TFDP2: variants seen among roughly 807,000 people sequenced by gnomAD.
The protein encoded by TFDP2 is transcription factor Dp-2, also known as transcription factor Dp-2 (E2F dimerization partner 2).
A neutral mutation model predicts 59.3 loss-of-function variants in TFDP2; 17 were observed. That is an observed-to-expected ratio of 0.29 (90% CI 0.20 to 0.43). TFDP2 has a LOEUF of 0.43. TFDP2 is among the 20% of genes least tolerant of loss of function. The probability of loss-of-function intolerance (pLI) is 1.00; values close to 1 mark genes in which losing one functional copy is unlikely to be tolerated. For missense variants in TFDP2, 391 were observed against 528.8 expected (o/e 0.74, Z 2.56); for synonymous variants, 180 against 194.7 (o/e 0.92, Z 0.63).
chr3:142,123,522 C>T (rs551883341), intron 1 of TFDP2, among the ~76,000 whole-genome samples: 1 of 152,116 alleles, frequency 6.6e-6, no homozygotes, highest in African/African-American at 2.4e-5. Flanking sequence ...CCTCCCTAGG[C>T]CTCCCAAAGT....
chr3:141,975,425 G>A (rs1385738976), intron 7 of TFDP2, among the ~76,000 whole-genome samples: 1 of 152,068 alleles, frequency 6.6e-6, no homozygotes, highest in African/African-American at 2.4e-5. Flanking sequence ...AGGAGTGGTG[G>A]CTCATGCCTG....
Position 142,056,631 on chromosome 3 carries a change from T to C in TFDP2, c.82+36430A>G, listed in dbSNP as rs184689665. 2.5e-3 allele frequency among the ~76,000 whole-genome samples: 375 copies of C among 152,288 alleles called. 2 individuals carry two copies. The highest frequency in any genetic ancestry group is 8.8e-3 in the African/African-American group (364 of 41,564). ...TTTAGAAAAAGCATCTCAGAATAAA[T>C]GATACCTAAGACAAAAACCAAACTA... On this transcript the variant is annotated intron_variant, in intron 3 of 12. Coordinates refer to ENST00000489671, the MANE Select transcript of TFDP2 (RefSeq NM_001178139.2).
chr3:141,966,819 G>A (rs1358445333), intron 9 of TFDP2, among the ~76,000 whole-genome samples: 1 of 150,774 alleles, frequency 6.6e-6, no homozygotes, highest in East Asian at 1.9e-4. Flanking sequence ...GTAGCAAGGA[G>A]GTAATAGTTA....
intron 1 of TFDP2, among the ~76,000 whole-genome samples, chr3:142,135,589 T>C (rs563395206): frequency 6.6e-6 from 1 of 152,094 alleles, no homozygotes; most frequent in South Asian, 2.1e-4. Flanking sequence ...TGGTGTGTGA[T>C]GCTTCCTGCC....
At chr3:142,049,674 TAAAC>T (rs995778438) in intron 3 of TFDP2, among the ~76,000 whole-genome samples, 5 of 152,144 alleles carry the variant, frequency 3.3e-5, no homozygotes, top group Non-Finnish European at 7.4e-5. Context: ...TGTTTGTACA[TAAAC>T]AAAATATTGG....
intron 3 of TFDP2, among the ~76,000 whole-genome samples, chr3:142,052,476 C>T (rs1039923432): frequency 3.3e-5 from 5 of 151,670 alleles, no homozygotes; most frequent in South Asian, 2.1e-4. Context: ...ACCCAGGAGA[C>T]GGAGCTTGCA....
At position 141,974,104 on chromosome 3, in the gene TFDP2, CT is replaced by C; in HGVS notation, c.606del (p.Glu203LysfsTer20). ...GTAGGCAGGCCAATCCACTTGATTT[CT>C]TTTTTTTCCTTTGAAATTATGTTCA... is the stretch of plus-strand genomic sequence containing the variant. ...MAMNIISKEK[K>X]EIKWIGLPTN... is the part of the protein sequence containing the mutation. On this transcript the variant is annotated frameshift_variant, in exon 8 of 13. Coordinates refer to ENST00000489671, the MANE Select transcript of TFDP2 (RefSeq NM_001178139.2). LOFTEE classifies it high-confidence loss of function. 1 of 1,612,524 alleles carries C rather than the reference CT, an allele frequency of 6.2e-7. No homozygotes were observed. The highest frequency in any genetic ancestry group is 8.5e-7 in the Non-Finnish European group (1 of 1,179,384).
intron 3 of TFDP2, chr3:142,043,654 G>C (rs1947144898): frequency 1.1e-6 from 1 of 948,528 alleles, no homozygotes; most frequent in Non-Finnish European, 1.7e-6. Context: ...CTTAGACAAA[G>C]TCTTGATGAT....
intron 3 of TFDP2, among the ~76,000 whole-genome samples, chr3:142,074,637 A>C (rs2060378572): frequency 6.6e-6 from 1 of 152,062 alleles, no homozygotes; most frequent in Non-Finnish European, 1.5e-5. Flanking sequence ...GGATCACCTG[A>C]GGCCAGGAGA....
Position 142,056,373 on chromosome 3 carries a change from T to C in TFDP2, c.82+36688A>G, listed in dbSNP as rs1187314674. On this transcript the variant is annotated intron_variant, in intron 3 of 12. Coordinates refer to ENST00000489671, the MANE Select transcript of TFDP2 (RefSeq NM_001178139.2). ...AAGTTTCACCCTAGTGGGAAGATAC[T>C]GGCAACTAAATAGACAATTAAAATA... Among the ~76,000 whole-genome samples, 5 of 150,516 alleles carry C rather than the reference T, an allele frequency of 3.3e-5. No homozygotes were observed. The South Asian group carries it at 8.4e-4, about 25-fold the overall frequency.
chr3:141,974,261 T>A, intron 7 of TFDP2, 70 bp from the exon 8 acceptor site: 1 of 1,300,228 alleles, frequency 7.7e-7, no homozygotes, highest in Non-Finnish European at 1.0e-6. Context: ...TATGAATATA[T>A]CAAATTAATA....
chr3:142,054,566 CATA>C, intron 3 of TFDP2, among the ~76,000 whole-genome samples: 1 of 152,272 alleles, frequency 6.6e-6, no homozygotes, highest in East Asian at 1.9e-4. Context: ...GGTGGCACTT[CATA>C]ATATTAACAC....
At chr3:142,113,384 G>A (rs917444218) in intron 1 of TFDP2, among the ~76,000 whole-genome samples, 2 of 151,796 alleles carry the variant, frequency 1.3e-5, no homozygotes, top group Admixed American at 6.6e-5. Context: ...TCAGCCTCCC[G>A]AGTAGCTGGG....
chr3:141,955,234 C>T (rs772733395), intron 11 of TFDP2, among the ~76,000 whole-genome samples: 4 of 152,172 alleles, frequency 2.6e-5, no homozygotes, highest in Admixed American at 6.5e-5. Context: ...ATGGTTCTCA[C>T]ACTCCCACCC....
intron 7 of TFDP2, among the ~76,000 whole-genome samples, chr3:141,977,105 TA>T (rs1390675434): frequency 0.01 from 908 of 88,680 alleles, 18 homozygotes; most frequent in African/African-American, 0.029. Flanking sequence ...TATATATATA[TA>T]TTTTTTTTTT....
chr3:141,960,589 C>G (rs1322552137), intron 10 of TFDP2, among the ~76,000 whole-genome samples: 1 of 152,142 alleles, frequency 6.6e-6, no homozygotes, highest in Non-Finnish European at 1.5e-5. Context: ...TTCACCTGGT[C>G]ATGAAATTCT....
chr3:142,041,070 C>T (rs772677099), intron 3 of TFDP2, among the ~76,000 whole-genome samples: 2 of 152,148 alleles, frequency 1.3e-5, no homozygotes, highest in African/African-American at 2.4e-5. Context: ...TAACAGCTTA[C>T]AATGAGTTCT....
intron 1 of TFDP2, among the ~76,000 whole-genome samples, chr3:142,117,574 G>T (rs2061889397): frequency 6.6e-6 from 1 of 152,112 alleles, no homozygotes; most frequent in South Asian, 2.1e-4. Context: ...GACAAAACCA[G>T]CCCCAGAAAG....
intron 3 of TFDP2, among the ~76,000 whole-genome samples, chr3:142,069,496 T>C (rs540667296): frequency 1.4e-4 from 22 of 152,320 alleles, no homozygotes; most frequent in Middle Eastern, 3.4e-3. Flanking sequence ...TTAATAAATA[T>C]TGCAAATTCC....
Sources: allele counts gnomAD v4.1 joint callset (sites outside exome capture counted in the v4.1 genomes callset), GRCh38; gene constraint gnomAD v4.1.1; transcripts MANE v1.5; gene names NCBI Gene and HGNC (gene_info 2026-07-23, HGNC 2026-07-21).